PTPN11: variants seen among roughly 807,000 people sequenced by gnomAD.
The protein encoded by PTPN11 is protein tyrosine phosphatase non-receptor type 11.
In PTPN11, 6 loss-of-function variants were observed where a neutral mutation model predicts 78.8. The observed-to-expected ratio is 0.08, with a 90% CI of 0.04 to 0.15. PTPN11 has a LOEUF of 0.15. Among genes scored for constraint, PTPN11 ranks in the 10% least tolerant of loss-of-function variants. PTPN11 has a pLI of 1.00. For synonymous variants in PTPN11, 221 were observed against 263.5 expected (o/e 0.84, Z 1.56); for missense variants, 386 against 744.8 (o/e 0.52, Z 5.61).
intron 1 of PTPN11, among the ~76,000 whole-genome samples, chr12:112,443,223 CTTTTA>C (rs1282540212): frequency 6.6e-6 from 1 of 151,870 alleles, no homozygotes; most frequent in African/African-American, 2.4e-5. Context: ...AAACTGTTCC[CTTTTA>C]TTTTGTTTGT....
chr12:112,446,529 G>A lies in PTPN11; in HGVS notation c.137+131G>A, dbSNP rs2037996916. 26 of 1,317,144 alleles carry A rather than the reference G, an allele frequency of 2.0e-5. No individual in the cohort carries two copies. In the South Asian group the frequency reaches 3.0e-4, roughly 15 times the overall value. 81.6% of individuals were successfully genotyped at this position (1,317,144 alleles called of 1,614,324 possible). A position where few individuals can be genotyped will look rare whatever the true frequency, so the allele number is the denominator to read the frequency against. ...ATCTGAGCCCTGGGCTGCCTTCAGG[G>A]TTTGGGGAGTGGCCTCCTGGACATT... is the stretch of plus-strand genomic sequence containing the variant. On this transcript the variant is annotated intron_variant, in intron 2 of 15. Transcript: ENST00000351677.
chr12:112,464,702 G>T (rs1347586891), intron 6 of PTPN11, among the ~76,000 whole-genome samples: 3 of 152,082 alleles, frequency 2.0e-5, no homozygotes, highest in Non-Finnish European at 4.4e-5. Context: ...TGGGATTACA[G>T]GTGTGAGCCA....
chr12:112,433,479 T>C (rs2037743443), intron 1 of PTPN11, among the ~76,000 whole-genome samples: 1 of 152,240 alleles, frequency 6.6e-6, no homozygotes, highest in Non-Finnish European at 1.5e-5. Flanking sequence ...GCCATTTTAT[T>C]TCTAAAACTT....
intron 13 of PTPN11, among the ~76,000 whole-genome samples, chr12:112,494,697 G>A (rs1436300307): frequency 1.3e-5 from 2 of 152,092 alleles, no homozygotes; most frequent in Non-Finnish European, 1.5e-5. Context: ...TGTTTGTACT[G>A]GTACAGTGTT....
Position 112,482,337 on chromosome 12 carries a change from G to T in PTPN11, c.1224+132G>T, listed in dbSNP as rs552467444. On this transcript the variant is annotated intron_variant, in intron 10 of 15. Transcript: ENST00000351677. The surrounding 1 kb of genome is among the most constrained non-coding windows in gnomAD (Gnocchi z 4.4). ...TCATTGATTCAGTAGCCATTTATTAGCTTCCTTCTATGTGCCAGGTACAGT... is the reference window on the plus strand; with the variant it reads ...TCATTGATTCAGTAGCCATTTATTATCTTCCTTCTATGTGCCAGGTACAGT... 1.7e-4 allele frequency: 188 copies of T among 1,077,466 alleles called. No individual in the cohort carries two copies. The African/African-American group carries it at 2.7e-3, about 16-fold the overall frequency. The allele number at this position is 1,077,466 out of a possible 1,614,324, so 66.7% of individuals were successfully genotyped here.
chr12:112,502,265 T>C lies in PTPN11; in HGVS notation c.1712+9T>C. On this transcript the variant is annotated intron_variant, in intron 14 of 15. Transcript: ENST00000351677. ...ACGCCACCCTGTGCAGAGTAAGTAG[T>C]GCTGAAGGAAATTCTTTTTACCTGG... 1 of 1,604,054 alleles carries C rather than the reference T, an allele frequency of 6.2e-7. No individual in the cohort carries two copies. Among genetic ancestry groups the C allele is most frequent in the Non-Finnish European group, 8.5e-7 (1 of 1,170,876 alleles).
At chr12:112,424,743 T>C (rs1317386850) in intron 1 of PTPN11, among the ~76,000 whole-genome samples, 2 of 152,046 alleles carry the variant, frequency 1.3e-5, no homozygotes, top group Non-Finnish European at 2.9e-5. Context: ...GATGGGGTCT[T>C]ACTCTGTCAC....
intron 13 of PTPN11, among the ~76,000 whole-genome samples, chr12:112,492,573 A>C (rs1392266087): frequency 6.6e-6 from 1 of 150,666 alleles, no homozygotes; most frequent in Non-Finnish European, 1.5e-5. Flanking sequence ...GCTGGAGTGC[A>C]GTGGTGCAAT....
At chr12:112,490,443 A>T (rs1391592122) in intron 13 of PTPN11, among the ~76,000 whole-genome samples, 1 of 151,688 alleles carries the variant, frequency 6.6e-6, no homozygotes, top group East Asian at 1.9e-4. Flanking sequence ...AGTAGCTGGG[A>T]CTATAGGCAT....
intron 13 of PTPN11, among the ~76,000 whole-genome samples, chr12:112,489,506 G>C (rs1165896997): frequency 6.6e-6 from 1 of 152,172 alleles, no homozygotes; most frequent in East Asian, 1.9e-4. Context: ...GCCTGTTCCA[G>C]CCTTGATCCA....
At position 112,453,280 on chromosome 12, in the gene PTPN11, A is replaced by T. The variant is rs1060502527; in HGVS notation, c.418A>T (p.Ser140Cys). 1 of 1,613,880 alleles carries T rather than the reference A, an allele frequency of 6.2e-7. No homozygotes were observed. Among genetic ancestry groups the T allele is most frequent in the Non-Finnish European group, 8.5e-7 (1 of 1,179,950 alleles). Reference sequence around the variant, plus strand: ...ACATGGTAGTTTTCTTGTACGAGAGAGCCAGAGCCACCCTGGAGATTTTGT... The same window carrying T: ...ACATGGTAGTTTTCTTGTACGAGAGTGCCAGAGCCACCCTGGAGATTTTGT... ...GKHGSFLVRE[S>C]QSHPGDFVLS... is the part of the protein sequence containing the mutation. Residue 140 changes from serine to cysteine, a missense_variant, in exon 4 of 16, where the codon AGC (serine) becomes TGC (cysteine). Physicochemically the swap from Ser to Cys is moderately radical, Grantham distance 112 (BLOSUM62 -1). Transcript: ENST00000351677.
chr12:112,456,602 G>C (rs1479248843), intron 6 of PTPN11, among the ~76,000 whole-genome samples: 1 of 152,006 alleles, frequency 6.6e-6, no homozygotes, highest in Admixed American at 6.6e-5. Flanking sequence ...TGGGACTACA[G>C]GCACATGCCC....
At chr12:112,489,692 C>T (rs183215315) in intron 13 of PTPN11, among the ~76,000 whole-genome samples, 164 of 152,298 alleles carry the variant, frequency 1.1e-3, no homozygotes, top group Middle Eastern at 6.8e-3. Flanking sequence ...CTATTCATAA[C>T]AGGCACAAAG....
intron 1 of PTPN11, among the ~76,000 whole-genome samples, chr12:112,424,095 T>G (rs1000338919): frequency 2.6e-5 from 4 of 152,200 alleles, no homozygotes; most frequent in African/African-American, 9.6e-5. Context: ...GTTTTTATCA[T>G]CCCACTGGCC....
intron 9 of PTPN11, among the ~76,000 whole-genome samples, chr12:112,478,565 C>T (rs1208612897): frequency 1.3e-5 from 2 of 152,172 alleles, no homozygotes; most frequent in Non-Finnish European, 2.9e-5. Context: ...TTTGCTATGT[C>T]TCCAAGTTAA....
At chr12:112,455,225 A>G (rs900098241) in intron 5 of PTPN11, among the ~76,000 whole-genome samples, 1 of 148,606 alleles carries the variant, frequency 6.7e-6, no homozygotes, top group African/African-American at 2.5e-5. Context: ...AAGGCATTAC[A>G]GAGGTTCTTT....
intron 13 of PTPN11, among the ~76,000 whole-genome samples, chr12:112,497,643 T>A (rs1198300741): frequency 1.3e-5 from 2 of 152,216 alleles, no homozygotes; most frequent in Non-Finnish European, 2.9e-5. Flanking sequence ...TAAGTAGTTG[T>A]GTTCCTGAAT....
chr12:112,504,882 G>A lies in PTPN11; in HGVS notation c.*32+86G>A. 2 of 867,318 alleles carry A rather than the reference G, an allele frequency of 2.3e-6. No individual in the cohort carries two copies. Among genetic ancestry groups the A allele is most frequent in the South Asian group, 3.0e-5 (2 of 66,538 alleles). The allele number at this position is 867,318 out of a possible 1,614,324, so 53.7% of individuals were successfully genotyped here. ...AGGCAAGCAATTTGGGAATGTTTTAGCAAAGTGTACCATAATTGAGTTTTA... is the reference window on the plus strand; with the variant it reads ...AGGCAAGCAATTTGGGAATGTTTTAACAAAGTGTACCATAATTGAGTTTTA... On this transcript the variant is annotated intron_variant, in intron 15 of 15. Coordinates refer to ENST00000351677, the MANE Select transcript of PTPN11 (RefSeq NM_002834.5). The surrounding 1 kb of genome is among the most constrained non-coding windows in gnomAD (Gnocchi z 4.7).
In PTPN11 at chr12:112,508,463, A is replaced by C. The variant is rs2038962887; in HGVS notation, c.*2671A>C. The C allele has an allele frequency of 6.6e-6, 1 of 152,372 alleles. No homozygotes were observed. The highest frequency in any genetic ancestry group is 2.4e-5 in the African/African-American group (1 of 41,438). 9.4% of individuals were successfully genotyped at this position (152,372 alleles called of 1,614,324 possible). On this transcript the variant is annotated 3_prime_UTR_variant, in exon 16 of 16. Transcript: ENST00000351677. ...GTTCCAAAGAGGTGGTTTCTGAGGA[A>C]GTCAGAGCGCCCAGGGCCAGAGCAG...
Sources: allele counts gnomAD v4.1 joint callset (sites outside exome capture counted in the v4.1 genomes callset), GRCh38; gene constraint gnomAD v4.1.1; non-coding constraint Gnocchi (gnomAD v3.1); transcripts MANE v1.5; gene names NCBI Gene and HGNC (gene_info 2026-07-23, HGNC 2026-07-21).